The following BEND2 variants were observed in gnomAD, a reference collection of about 807,000 sequenced individuals.
BEND2 encodes the protein BEN domain containing 2.
BEND2 carries 19 observed loss-of-function variants against 43.8 expected under a neutral mutation model. The ratio of observed to expected loss-of-function variants is 0.43; its 90% CI spans 0.30 to 0.64. BEND2 has a LOEUF of 0.64. Among genes scored for constraint, BEND2 ranks in the 30% least tolerant of loss-of-function variants. The pLI is 0.11. For missense variants in BEND2, 544 were observed against 574.0 expected, an observed-to-expected ratio of 0.95 and a Z score of 0.53; for synonymous variants, 226 against 210.1, an observed-to-expected ratio of 1.08 and a Z score of -0.66.
intron 13 of BEND2, 106 bp downstream of exon 13, chrX:18,170,895 T>C: frequency 8.6e-7 from 1 of 1,161,942 alleles, no homozygotes; most frequent in South Asian, 1.9e-5. Context: ...ATTACTAAGT[T>C]CCATTCTCCC....
intron 2 of BEND2, among the ~76,000 whole-genome samples, chrX:18,214,810 CAAAAAAAAAAAAAA>C (rs58814498): frequency 8.5e-5 from 3 of 35,452 alleles, no homozygotes; most frequent in African/African-American, 2.3e-4. Flanking sequence ...GACTCTGTCT[CAAAAAAAAAAAAAA>C]AAAAAAAAAA....
At chrX:18,217,671 GA>G (rs929435338) in intron 1 of BEND2, among the ~76,000 whole-genome samples, 4 of 110,039 alleles carry the variant, frequency 3.6e-5, no homozygotes, top group African/African-American at 9.9e-5. Flanking sequence ...AGTCTTCATG[GA>G]AAAAAAATAG....
intron 4 of BEND2, 27 bp downstream of exon 4, chrX:18,212,538 C>T (rs914507195): frequency 2.9e-6 from 3 of 1,022,611 alleles, no homozygotes; most frequent in Non-Finnish European, 4.1e-6. Flanking sequence ...GAGATTTTCA[C>T]TTTAATAAAC....
chrX:18,184,021 G>A (rs1461048816), intron 8 of BEND2, among the ~76,000 whole-genome samples: 1 of 111,591 alleles, frequency 9.0e-6, no homozygotes, highest in Non-Finnish European at 1.9e-5. Flanking sequence ...AACACACGCT[G>A]TAGCCAGGTA....
chrX:18,198,121 C>G (rs1410393033), intron 6 of BEND2, among the ~76,000 whole-genome samples: 1 of 111,001 alleles, frequency 9.0e-6, no homozygotes, highest in Non-Finnish European at 1.9e-5. Flanking sequence ...CTAGGCATTA[C>G]CATTCAGGAC....
At chrX:18,194,972 A>AACACACACACACACAC (rs201244726) in intron 7 of BEND2, among the ~76,000 whole-genome samples, 168 of 99,329 alleles carry the variant, frequency 1.7e-3, no homozygotes, top group African/African-American at 5.8e-3. Context: ...CATAGTACTA[A>AACACACACACACACAC]ACACACACAC....
At chrX:18,179,226 A>G (rs1332917531) in intron 9 of BEND2, among the ~76,000 whole-genome samples, 1 of 87,646 alleles carries the variant, frequency 1.1e-5, no homozygotes, top group East Asian at 3.5e-4. Context: ...TGGCATGATC[A>G]TGGCTCACTA....
intron 8 of BEND2, among the ~76,000 whole-genome samples, chrX:18,184,176 T>C (rs1183326126): frequency 9.0e-6 from 1 of 111,265 alleles, no homozygotes; most frequent in Non-Finnish European, 1.9e-5. Flanking sequence ...GAGACTCCTT[T>C]GTTTGGGGGG....
At chrX:18,204,386 GT>G (rs1925266305) in intron 4 of BEND2, among the ~76,000 whole-genome samples, 1 of 111,718 alleles carries the variant, frequency 9.0e-6, no homozygotes, top group African/African-American at 3.3e-5. Context: ...GGAGCTAGAG[GT>G]TTATCAAAGT....
chrX:18,203,974 A>T lies in BEND2; in HGVS notation c.493-59T>A, dbSNP rs1447363779. ...TATTTTCTTCGGTTCCTAGACTTCA[A>T]TTTCTCCATGAGACATACAATCAAA... On this transcript the variant is annotated intron_variant, in intron 4 of 13. Transcript: ENST00000380033. 6 of 1,049,466 alleles carry T rather than the reference A, an allele frequency of 5.7e-6. No homozygotes were observed. In the African/African-American group the frequency reaches 1.1e-4, roughly 20 times the overall value. The allele number at this position is 1,049,466 out of a possible 1,213,427, so 86.5% of individuals were successfully genotyped here.
rs1019630358 is a variant in BEND2 at position 18,164,810 on chromosome X, A to T, written c.*199T>A. ...TCCCTCAATCAGAGGTTGTCATCAA[A>T]TCCACAGATGAAACATTACGTATCT... On this transcript the variant is annotated 3_prime_UTR_variant, in exon 14 of 14. Coordinates refer to ENST00000380033, the MANE Select transcript of BEND2 (RefSeq NM_153346.5). 2 of 414,654 alleles carry T rather than the reference A, an allele frequency of 4.8e-6. No homozygotes were observed. Among genetic ancestry groups the T allele is most frequent in the Admixed American group, 4.9e-5 (1 of 20,498 alleles). The allele number at this position is 414,654 out of a possible 1,213,427, so 34.2% of individuals were successfully genotyped here.
chrX:18,202,074 C>G (rs1925184893), intron 5 of BEND2, 134 bp from the exon 6 acceptor site: 1 of 615,969 alleles, frequency 1.6e-6, no homozygotes, highest in African/African-American at 2.4e-5. Flanking sequence ...GAATTTGTCC[C>G]CAGCAGACTT....
At chrX:18,172,847 G>A (rs762987712) in intron 12 of BEND2, among the ~76,000 whole-genome samples, 26 of 111,090 alleles carry the variant, frequency 2.3e-4, no homozygotes, top group Admixed American at 1.3e-3. Context: ...TTAATGGAAT[G>A]CTATAATCCT....
At chrX:18,194,204 G>A (rs1008443349) in intron 7 of BEND2, among the ~76,000 whole-genome samples, 18 of 111,611 alleles carry the variant, frequency 1.6e-4, no homozygotes, top group Non-Finnish European at 2.8e-4. Flanking sequence ...GCCTCTCTAG[G>A]AAACTGTTTG....
chrX:18,165,326 T>C (rs1181370326), intron 13 of BEND2, 103 bp from the exon 14 acceptor site: 2 of 632,398 alleles, frequency 3.2e-6, no homozygotes, highest in African/African-American at 2.2e-5. Flanking sequence ...GAAAGGATCA[T>C]TAACACTTTA....
chrX:18,198,548 G>A (rs1483273333), intron 6 of BEND2, among the ~76,000 whole-genome samples: 4 of 111,428 alleles, frequency 3.6e-5, no homozygotes, highest in Non-Finnish European at 7.5e-5. Context: ...AAAAAGTCAG[G>A]AAACAACAGG....
chrX:18,217,921 A>AT (rs1435278608), intron 1 of BEND2, among the ~76,000 whole-genome samples: 71 of 96,173 alleles, frequency 7.4e-4, no homozygotes, highest in African/African-American at 2.7e-3. Context: ...TCTCTACCAA[A>AT]AAATAATAAT....
At chrX:18,179,308 C>T (rs1924294406) in intron 9 of BEND2, among the ~76,000 whole-genome samples, 1 of 106,025 alleles carries the variant, frequency 9.4e-6, no homozygotes, top group South Asian at 4.5e-4. Context: ...ATTACAGGCA[C>T]ATGCCACCAC....
At chrX:18,190,054 A>G (rs1423149996) in intron 8 of BEND2, among the ~76,000 whole-genome samples, 2 of 110,206 alleles carry the variant, frequency 1.8e-5, no homozygotes, top group East Asian at 5.7e-4. Flanking sequence ...TATCTCAAAA[A>G]AAAAAAAAAG....
Sources: allele counts gnomAD v4.1 joint callset (sites outside exome capture counted in the v4.1 genomes callset), GRCh38; gene constraint gnomAD v4.1.1; transcripts MANE v1.5; gene names NCBI Gene and HGNC (gene_info 2026-07-23, HGNC 2026-07-21).